Variants in KLF12 observed in about 807,000 individuals in gnomAD.
KLF12 encodes Krueppel-like factor 12.
KLF12 carries 9 observed loss-of-function variants against 37.8 expected under a neutral mutation model. The observed-to-expected ratio is 0.24, with a 90% CI of 0.14 to 0.42. KLF12 has a LOEUF of 0.42. KLF12 is among the 10% of genes least tolerant of loss of function. The pLI, the probability that KLF12 is intolerant of heterozygous loss-of-function variation, is 1.00. For synonymous variants in KLF12, 208 were observed against 202.1 expected, an observed-to-expected ratio of 1.03 and a Z score of -0.25; for missense variants, 411 against 516.0, an observed-to-expected ratio of 0.80 and a Z score of 1.97.
At chr13:73,794,183 G>A (rs9530242) in intron 5 of KLF12, among the ~76,000 whole-genome samples, 15,525 of 152,288 alleles carry the variant, frequency 0.1, 1,019 homozygotes, top group Non-Finnish European at 0.14. Context: ...GTGACAGGCC[G>A]GGTGTGATGG....
At chr13:73,907,512 C>G (rs1464737285) in intron 3 of KLF12, among the ~76,000 whole-genome samples, 1 of 152,178 alleles carries the variant, frequency 6.6e-6, no homozygotes, top group African/African-American at 2.4e-5. Flanking sequence ...CCTCAGCTCT[C>G]AGTCTTCTAA....
At chr13:73,975,918 T>C (rs1487836085) in intron 2 of KLF12, among the ~76,000 whole-genome samples, 16 of 152,198 alleles carry the variant, frequency 1.1e-4, no homozygotes, top group Non-Finnish European at 2.1e-4. Context: ...GCGATCCCGC[T>C]ATGTGCAGTC....
intron 5 of KLF12, among the ~76,000 whole-genome samples, chr13:73,776,347 A>C (rs532756806): frequency 6.6e-6 from 1 of 152,310 alleles, no homozygotes; most frequent in Non-Finnish European, 1.5e-5. Context: ...CAAGGCAAAG[A>C]AGCCAGGACC....
intron 3 of KLF12, among the ~76,000 whole-genome samples, chr13:73,854,386 T>C (rs570213108): frequency 6.6e-6 from 1 of 152,358 alleles, no homozygotes; most frequent in African/African-American, 2.4e-5. Context: ...ATGTTCACCA[T>C]AAACAGTTAT....
At chr13:74,272,165 C>T in the KLF12 span, among the ~76,000 whole-genome samples, 1 of 152,122 alleles carries the variant, frequency 6.6e-6, no homozygotes, top group Non-Finnish European at 1.5e-5. Flanking sequence ...TATAATTACT[C>T]TTGTCAAATA....
upstream of KLF12, among the ~76,000 whole-genome samples, chr13:74,135,003 G>T (rs184897357): frequency 2.0e-4 from 31 of 151,664 alleles, no homozygotes; most frequent in East Asian, 5.9e-3. Flanking sequence ...CGCCCGCGCC[G>T]GGCAACAATG....
the KLF12 span, among the ~76,000 whole-genome samples, chr13:74,187,534 T>A: frequency 5.9e-5 from 9 of 152,136 alleles, no homozygotes; most frequent in Non-Finnish European, 1.2e-4. Context: ...ACTCACTAAA[T>A]TTTTTTGTTG....
intron 2 of KLF12, among the ~76,000 whole-genome samples, chr13:73,980,947 G>A (rs759880932): frequency 7.2e-5 from 11 of 152,102 alleles, no homozygotes; most frequent in Admixed American, 2.0e-4. Context: ...ATCACTTGAG[G>A]CCAGAAGTTC....
chr13:74,140,880 C>T, the KLF12 span, among the ~76,000 whole-genome samples: 1 of 152,070 alleles, frequency 6.6e-6, no homozygotes, highest in African/African-American at 2.4e-5. Context: ...GGTGAAACCC[C>T]ATCTCTACTA....
At chr13:73,702,483 G>A (rs933416906) in intron 7 of KLF12, among the ~76,000 whole-genome samples, 4 of 152,128 alleles carry the variant, frequency 2.6e-5, no homozygotes, top group East Asian at 1.9e-4. Context: ...TTAAAATGAC[G>A]TGTGAGCAAC....
intron 6 of KLF12, among the ~76,000 whole-genome samples, chr13:73,758,337 G>A (rs771462221): frequency 6.6e-6 from 1 of 152,182 alleles, no homozygotes; most frequent in Non-Finnish European, 1.5e-5. Flanking sequence ...ATTTCAGACT[G>A]TGTGAATTTT....
intron 3 of KLF12, among the ~76,000 whole-genome samples, chr13:73,912,346 G>T: frequency 6.6e-6 from 1 of 152,094 alleles, no homozygotes; most frequent in East Asian, 1.9e-4. Flanking sequence ...ATGATATGTT[G>T]AAGTCCTAAC....
chr13:73,727,319 C>G (rs2137777338), intron 6 of KLF12, among the ~76,000 whole-genome samples: 1 of 152,216 alleles, frequency 6.6e-6, no homozygotes, highest in South Asian at 2.1e-4. Context: ...ACTTTTATAG[C>G]TTTGACTCTT....
At chr13:73,925,705 C>A (rs565714050) in intron 3 of KLF12, among the ~76,000 whole-genome samples, 2 of 152,162 alleles carry the variant, frequency 1.3e-5, no homozygotes, top group East Asian at 1.9e-4. Context: ...GATGGACGTA[C>A]ACAAAGTAAA....
chr13:74,191,803 A>C, the KLF12 span, among the ~76,000 whole-genome samples: 1 of 152,112 alleles, frequency 6.6e-6, no homozygotes, highest in Non-Finnish European at 1.5e-5. Context: ...TAAGCTATAA[A>C]ATTTACCTTT....
chr13:73,729,815 A>G (rs1340851485), intron 6 of KLF12, among the ~76,000 whole-genome samples: 5 of 152,266 alleles, frequency 3.3e-5, no homozygotes, highest in Non-Finnish European at 5.9e-5. Flanking sequence ...CTGTAAGTTC[A>G]CCATAGGGAA....
intron 1 of KLF12, among the ~76,000 whole-genome samples, chr13:74,071,978 C>T (rs994504246): frequency 6.6e-6 from 1 of 152,064 alleles, no homozygotes; most frequent in Non-Finnish European, 1.5e-5. Flanking sequence ...CCAACCCCCC[C>T]ACCTGAACAA....
At chr13:73,752,946 G>A (rs554461737) in intron 6 of KLF12, among the ~76,000 whole-genome samples, 55 of 151,800 alleles carry the variant, frequency 3.6e-4, no homozygotes, top group Middle Eastern at 3.4e-3. Flanking sequence ...TAGAGATGGG[G>A]TTTCACTGTA....
chr13:74,012,071 C>T (rs531701226), intron 1 of KLF12, among the ~76,000 whole-genome samples: 1 of 152,142 alleles, frequency 6.6e-6, no homozygotes, highest in African/African-American at 2.4e-5. Context: ...GACATGTTTT[C>T]TTGTTTAATC....
Sources: gnomAD v4.1 joint callset for allele counts (sites outside exome capture counted in the v4.1 genomes callset) on GRCh38, gnomAD v4.1.1 for gene constraint, MANE v1.5 for transcripts, NCBI Gene and HGNC (gene_info 2026-07-23, HGNC 2026-07-21) for gene names.